CSMD3: variants seen among roughly 807,000 people sequenced by gnomAD.
CSMD3 encodes CUB and sushi domain-containing protein 3.
A neutral mutation model predicts 435.2 loss-of-function variants in CSMD3; 177 were observed. That is an observed-to-expected ratio of 0.41 (90% CI 0.36 to 0.46). The LOEUF (loss-of-function observed/expected upper bound fraction) is 0.46. Ranked by LOEUF, CSMD3 falls within the 20% of genes least tolerant of loss-of-function variation. The pLI, the probability that CSMD3 is intolerant of heterozygous loss-of-function variation, is 0.34. For synonymous variants in CSMD3, 1,656 were observed against 1,520.5 expected, an observed-to-expected ratio of 1.09 and a Z score of -2.07; for missense variants, 4,265 against 4,504.6, an observed-to-expected ratio of 0.95 and a Z score of 1.52.
intron 45 of CSMD3, among the ~76,000 whole-genome samples, chr8:112,327,756 C>T (rs755550845): frequency 5.9e-5 from 9 of 152,160 alleles, no homozygotes; most frequent in African/African-American, 1.7e-4. Flanking sequence ...CTGAGGATGG[C>T]TATTATTTAA....
chr8:112,580,448 T>C (rs1830257905), intron 23 of CSMD3, among the ~76,000 whole-genome samples: 1 of 150,718 alleles, frequency 6.6e-6, no homozygotes, highest in Non-Finnish European at 1.5e-5. Context: ...AATAATAGAA[T>C]GCCAATAATT....
intron 4 of CSMD3, among the ~76,000 whole-genome samples, chr8:113,130,832 G>A (rs1025014474): frequency 2.0e-5 from 3 of 152,124 alleles, no homozygotes; most frequent in Non-Finnish European, 2.9e-5. Flanking sequence ...TATGGACAAC[G>A]AAGTCCAGGC....
At chr8:112,951,065 T>C (rs1017924106) in intron 8 of CSMD3, among the ~76,000 whole-genome samples, 2 of 151,902 alleles carry the variant, frequency 1.3e-5, no homozygotes, top group African/African-American at 4.8e-5. Flanking sequence ...GTGGTACGTG[T>C]ATTTAATGTT....
chr8:112,626,918 G>T (rs28517826), intron 22 of CSMD3, among the ~76,000 whole-genome samples: 33 of 152,084 alleles, frequency 2.2e-4, no homozygotes, highest in African/African-American at 5.5e-4. Context: ...TAAAAATACC[G>T]TTAATATATT....
intron 5 of CSMD3, among the ~76,000 whole-genome samples, chr8:113,095,127 C>T (rs2090124536): frequency 6.6e-6 from 1 of 151,982 alleles, no homozygotes; most frequent in South Asian, 2.1e-4. Flanking sequence ...ATGTAAAATT[C>T]CCTGAACAAT....
chr8:112,832,716 G>A (rs914664766), intron 11 of CSMD3, among the ~76,000 whole-genome samples: 9 of 151,952 alleles, frequency 5.9e-5, no homozygotes, highest in Non-Finnish European at 7.4e-5. Context: ...ATTTCACCCC[G>A]GTACAACCTT....
At chr8:112,998,864 C>T (rs2085754336) in intron 6 of CSMD3, among the ~76,000 whole-genome samples, 1 of 151,914 alleles carries the variant, frequency 6.6e-6, no homozygotes, top group Non-Finnish European at 1.5e-5. Flanking sequence ...TTTTCTCCTG[C>T]TCTGGCCATG....
intron 32 of CSMD3, among the ~76,000 whole-genome samples, chr8:112,434,710 C>A (rs1003029855): frequency 1.3e-5 from 2 of 152,072 alleles, no homozygotes; most frequent in Admixed American, 6.6e-5. Context: ...AGAAAGGAAC[C>A]ATCAATGTGT....
intron 45 of CSMD3, among the ~76,000 whole-genome samples, 194 bp downstream of exon 45, chr8:112,335,135 T>A (rs139156680): frequency 0.014 from 2,108 of 152,304 alleles, 121 homozygotes; most frequent in Admixed American, 0.1. Flanking sequence ...TGCTCACATT[T>A]TAATGTCCCT....
chr8:113,028,268 C>T (rs539591294), intron 5 of CSMD3, among the ~76,000 whole-genome samples: 2 of 145,442 alleles, frequency 1.4e-5, no homozygotes, highest in South Asian at 4.4e-4. Context: ...AGATGGTGAA[C>T]TTAATCAGTA....
intron 61 of CSMD3, among the ~76,000 whole-genome samples, chr8:112,259,745 C>A (rs112207484): frequency 2.6e-5 from 4 of 152,232 alleles, no homozygotes; most frequent in African/African-American, 9.6e-5. Context: ...GTCCTTCTGG[C>A]AATGCTGTAT....
intron 31 of CSMD3, among the ~76,000 whole-genome samples, chr8:112,492,109 T>G (rs1160126662): frequency 6.6e-6 from 1 of 152,190 alleles, no homozygotes; most frequent in Non-Finnish European, 1.5e-5. Flanking sequence ...ATTATTAAAT[T>G]TATCTACTTG....
intron 13 of CSMD3, among the ~76,000 whole-genome samples, chr8:112,768,207 G>C (rs1181563722): frequency 6.6e-6 from 1 of 151,598 alleles, no homozygotes; most frequent in African/African-American, 2.4e-5. Context: ...TAGCAGGAGA[G>C]TTTGATATCC....
chr8:113,002,484 T>C (rs2085900861), intron 6 of CSMD3, among the ~76,000 whole-genome samples: 1 of 152,104 alleles, frequency 6.6e-6, no homozygotes, highest in Non-Finnish European at 1.5e-5. Context: ...GAGTCTTCCT[T>C]TAATGATGCA....
At chr8:113,170,717 T>C (rs1352522217) in intron 4 of CSMD3, among the ~76,000 whole-genome samples, 2 of 152,128 alleles carry the variant, frequency 1.3e-5, no homozygotes, top group East Asian at 1.9e-4. Context: ...ATCAATCTTT[T>C]GATTCTCAGC....
At chr8:112,614,478 AC>A (rs1231807693) in intron 22 of CSMD3, among the ~76,000 whole-genome samples, 1 of 151,586 alleles carries the variant, frequency 6.6e-6, no homozygotes, top group Non-Finnish European at 1.5e-5. Context: ...CTCTGCCCTC[AC>A]CCCATCTTTT....
chr8:112,488,747 C>A (rs1186140894), intron 31 of CSMD3, among the ~76,000 whole-genome samples: 1 of 152,086 alleles, frequency 6.6e-6, no homozygotes, highest in East Asian at 1.9e-4. Flanking sequence ...TAATATAACA[C>A]TGAAACATTG....
intron 4 of CSMD3, among the ~76,000 whole-genome samples, chr8:113,100,631 T>C (rs920040385): frequency 1.3e-5 from 2 of 152,152 alleles, no homozygotes; most frequent in African/African-American, 2.4e-5. Context: ...TTAGAGATTA[T>C]AGTTCAAGTG....
intron 5 of CSMD3, among the ~76,000 whole-genome samples, chr8:113,086,521 CAAAAT>C (rs1272454701): frequency 4.4e-5 from 4 of 91,484 alleles, no homozygotes; most frequent in Non-Finnish European, 8.3e-5. Flanking sequence ...AAAATATATT[CAAAAT>C]ATATTATTGG....
Sources: allele counts gnomAD v4.1 joint callset (sites outside exome capture counted in the v4.1 genomes callset), GRCh38; gene constraint gnomAD v4.1.1; transcripts MANE v1.5; gene names NCBI Gene and HGNC (gene_info 2026-07-23, HGNC 2026-07-21).